The following EHBP1 variants were observed in gnomAD, a reference collection of about 807,000 sequenced individuals.
The protein encoded by EHBP1 is EH domain-binding protein 1.
Under a neutral mutation model 144.0 loss-of-function variants are expected in EHBP1, and 55 were observed. The observed-to-expected ratio is 0.38, with a 90% CI of 0.31 to 0.48. The LOEUF (loss-of-function observed/expected upper bound fraction) is 0.48, where lower values mean the gene tolerates loss of function less well. EHBP1 is among the 20% of genes least tolerant of loss of function. The probability of loss-of-function intolerance (pLI) is 0.98; values close to 1 mark genes in which losing one functional copy is unlikely to be tolerated. For synonymous variants in EHBP1, 469 were observed against 472.7 expected (o/e 0.99, Z 0.10); for missense variants, 1,200 against 1,364.2 (o/e 0.88, Z 1.90).
At chr2:62,738,157 T>G (rs2038340359) in intron 2 of EHBP1, among the ~76,000 whole-genome samples, 1 of 152,170 alleles carries the variant, frequency 6.6e-6, no homozygotes, top group Non-Finnish European at 1.5e-5. Context: ...CTATTTTGAT[T>G]GTAGACTGTA....
At chr2:63,039,693 C>T (rs1198368378) in intron 21 of EHBP1, among the ~76,000 whole-genome samples, 5 of 152,030 alleles carry the variant, frequency 3.3e-5, no homozygotes, top group Non-Finnish European at 5.9e-5. Context: ...AATTTAAGTA[C>T]GTAAGGGAAA....
intron 1 of EHBP1, among the ~76,000 whole-genome samples, chr2:62,692,575 T>C (rs908755029): frequency 1.3e-5 from 2 of 152,346 alleles, no homozygotes; most frequent in East Asian, 3.9e-4. Context: ...CCATTTTAAT[T>C]GGTGTAAAGT....
chr2:62,874,351 A>G lies in EHBP1; in HGVS notation c.1004A>G (p.Asn335Ser). The G allele has an allele frequency of 6.3e-7, 1 of 1,583,204 alleles. No homozygotes were observed. Among genetic ancestry groups the G allele is most frequent in the Non-Finnish European group, 8.6e-7 (1 of 1,165,198 alleles). Residue 335 changes from asparagine to serine, a missense_variant, in exon 10 of 23, where the codon AAT becomes AGT. This residue lies in a region of EHBP1 where 266 missense variants were observed against 262.4 expected (regional missense o/e 1.01). Transcript: ENST00000431489. ...ATAATTCTTCTTTCACTTAGATCAA[A>G]TCCTTTTTATGAACCTAAATCAACT... ...KTEEEELDES[N>S]PFYEPKSTPP...
At chr2:62,933,513 A>G (rs2056161755) in intron 10 of EHBP1, among the ~76,000 whole-genome samples, 1 of 152,194 alleles carries the variant, frequency 6.6e-6, no homozygotes, top group African/African-American at 2.4e-5. Flanking sequence ...TGCATCTTTT[A>G]TTGATGTGTG....
chr2:62,788,764 T>C (rs2042980732), intron 5 of EHBP1, among the ~76,000 whole-genome samples: 1 of 152,240 alleles, frequency 6.6e-6, no homozygotes, highest in African/African-American at 2.4e-5. Context: ...ATATTTAATT[T>C]ACACCTAATA....
At chr2:62,786,843 A>G (rs766391211) in intron 5 of EHBP1, among the ~76,000 whole-genome samples, 2 of 152,154 alleles carry the variant, frequency 1.3e-5, no homozygotes, top group Non-Finnish European at 2.9e-5. Flanking sequence ...GCAATTTTGA[A>G]TTGCATGTTA....
chr2:62,911,829 A>G (rs2054239255), intron 10 of EHBP1, among the ~76,000 whole-genome samples: 2 of 152,142 alleles, frequency 1.3e-5, no homozygotes, highest in African/African-American at 4.8e-5. Flanking sequence ...AGAAAACTTC[A>G]TGATGTTTGC....
intron 5 of EHBP1, among the ~76,000 whole-genome samples, chr2:62,819,396 C>A (rs2045706628): frequency 6.6e-6 from 1 of 152,100 alleles, no homozygotes; most frequent in Non-Finnish European, 1.5e-5. Context: ...AAATATTTCC[C>A]AGATAAATTA....
rs77078490 is a variant in EHBP1, at chr2:62,953,779, A to T, written c.2317-1738A>T. Among the ~76,000 whole-genome samples, 17 of 152,098 alleles carry T rather than the reference A, an allele frequency of 1.1e-4. No individual in the cohort carries two copies. The East Asian group carries it at 3.3e-3, about 29-fold the overall frequency. On this transcript the variant is annotated intron_variant, in intron 13 of 22. Transcript: ENST00000431489. ...TTCTAGCCAGGAAAATTAAAAAAAA[A>T]CTGTGTTTATGTGCTGTTAAACACA...
At chr2:62,935,283 C>T (rs1354404544) in intron 10 of EHBP1, among the ~76,000 whole-genome samples, 8 of 146,662 alleles carry the variant, frequency 5.5e-5, no homozygotes, top group African/African-American at 2.5e-5. Flanking sequence ...TAGCCAAGAT[C>T]GTGCCAGTGC....
intron 10 of EHBP1, among the ~76,000 whole-genome samples, chr2:62,912,217 A>G (rs544075372): frequency 1.3e-5 from 2 of 152,264 alleles, no homozygotes; most frequent in African/African-American, 4.8e-5. Context: ...TTTTTTTCCT[A>G]TGATATTCAA....
At chr2:62,745,535 G>A (rs2039075284) in intron 2 of EHBP1, among the ~76,000 whole-genome samples, 1 of 152,012 alleles carries the variant, frequency 6.6e-6, no homozygotes, top group South Asian at 2.1e-4. Context: ...ACATTGCAAA[G>A]ATGTGAAGAA....
At chr2:62,877,665 A>G (rs2051007338) in intron 10 of EHBP1, among the ~76,000 whole-genome samples, 1 of 152,256 alleles carries the variant, frequency 6.6e-6, no homozygotes, top group East Asian at 1.9e-4. Flanking sequence ...CCACAGCACA[A>G]TAAAAACAGA....
rs2059272803 is a variant in EHBP1 at position 62,988,100 on chromosome 2, T to C, written c.2609-2616T>C. 3.3e-6 allele frequency: 3 copies of C among 896,030 alleles called. No individual in the cohort carries two copies. The Admixed American group carries it at 6.2e-5, about 18-fold the overall frequency. The allele number at this position is 896,030 out of a possible 1,614,324, so 55.5% of individuals were successfully genotyped here. On this transcript the variant is annotated intron_variant, in intron 15 of 22. Transcript: ENST00000431489. ...ATGGCAAACTTTATGGTTATATTTT[T>C]ATTATCTCATCAATAATAATAATAA...
chr2:62,718,635 G>A (rs1329512782), intron 2 of EHBP1, among the ~76,000 whole-genome samples: 1 of 152,196 alleles, frequency 6.6e-6, no homozygotes, highest in Non-Finnish European at 1.5e-5. Context: ...CGCAATTGCT[G>A]AAGAGTATCA....
chr2:63,005,194 T>G (rs1447660086), intron 19 of EHBP1, among the ~76,000 whole-genome samples: 1 of 152,108 alleles, frequency 6.6e-6, no homozygotes, highest in African/African-American at 2.4e-5. Context: ...ATGGGTAGTA[T>G]TAATAATTAT....
At chr2:62,981,260 G>C (rs2058957644) in intron 15 of EHBP1, among the ~76,000 whole-genome samples, 1 of 151,958 alleles carries the variant, frequency 6.6e-6, no homozygotes, top group Non-Finnish European at 1.5e-5. Flanking sequence ...ATAATTAGAT[G>C]CTTCTTTTAT....
At chr2:62,962,960 G>C (rs1051282065) in intron 14 of EHBP1, among the ~76,000 whole-genome samples, 1 of 152,210 alleles carries the variant, frequency 6.6e-6, no homozygotes, top group Non-Finnish European at 1.5e-5. Context: ...TGGTTTAGGA[G>C]CCTTTTCTCA....
chr2:62,889,148 C>T (rs1465506782), intron 10 of EHBP1, among the ~76,000 whole-genome samples: 2 of 134,992 alleles, frequency 1.5e-5, no homozygotes, highest in African/African-American at 2.8e-5. Context: ...ACTGCAACCT[C>T]TGCTTCCCAG....
Sources: gnomAD v4.1 joint callset for allele counts (sites outside exome capture counted in the v4.1 genomes callset) on GRCh38, gnomAD v4.1.1 for gene constraint, gnomAD v4.1.1 regional missense constraint, MANE v1.5 for transcripts, NCBI Gene and HGNC (gene_info 2026-07-23, HGNC 2026-07-21) for gene names.